Variants in CREB5 observed in about 807,000 individuals in gnomAD.
CREB5 encodes the protein cAMP responsive element binding protein 5, also known as cyclic AMP-responsive element-binding protein 5.
A neutral mutation model predicts 57.1 loss-of-function variants in CREB5; 19 were observed. The ratio of observed to expected loss-of-function variants is 0.33; its 90% CI spans 0.23 to 0.49. The LOEUF is 0.49. Ranked by LOEUF, CREB5 falls within the 20% of genes least tolerant of loss-of-function variation. The probability of loss-of-function intolerance (pLI) is 0.99; values close to 1 mark genes in which losing one functional copy is unlikely to be tolerated. For missense variants in CREB5, 579 were observed against 671.6 expected (o/e 0.86, Z 1.52); for synonymous variants, 238 against 238.3 (o/e 1.00, Z 0.01).
At chr7:28,720,285 T>G (rs1802954075) in intron 6 of CREB5, among the ~76,000 whole-genome samples, 1 of 152,236 alleles carries the variant, frequency 6.6e-6, no homozygotes, top group African/African-American at 2.4e-5. Flanking sequence ...TAACAATGCC[T>G]TGCAAAGCCT....
intron 1 of CREB5, among the ~76,000 whole-genome samples, chr7:28,328,018 G>A (rs1353325857): frequency 6.6e-6 from 1 of 152,184 alleles, no homozygotes; most frequent in African/African-American, 2.4e-5. Context: ...ATCTTCTGGT[G>A]TAGATTGAGA....
At chr7:28,396,709 A>C (rs1408225868) in intron 1 of CREB5, among the ~76,000 whole-genome samples, 2 of 152,180 alleles carry the variant, frequency 1.3e-5, no homozygotes, top group African/African-American at 4.8e-5. Flanking sequence ...AATTTTTAAA[A>C]TTTTAAAACA....
chr7:28,682,026 A>G (rs1024657748), intron 5 of CREB5, among the ~76,000 whole-genome samples: 5 of 152,206 alleles, frequency 3.3e-5, no homozygotes, highest in African/African-American at 9.7e-5. Flanking sequence ...ACCATTATAA[A>G]TTCATTCCTT....
At chr7:28,498,335 CTCA>C (rs1052495024) in intron 3 of CREB5, among the ~76,000 whole-genome samples, 1 of 152,132 alleles carries the variant, frequency 6.6e-6, no homozygotes, top group Non-Finnish European at 1.5e-5. Flanking sequence ...TGAGTTGAGG[CTCA>C]TCATATTTTA....
chr7:28,786,412 G>A (rs941832595), intron 7 of CREB5, among the ~76,000 whole-genome samples: 2 of 152,016 alleles, frequency 1.3e-5, no homozygotes, highest in Non-Finnish European at 2.9e-5. Flanking sequence ...ACACCTGGCT[G>A]ATTTTTTGGT....
chr7:28,653,938 C>A (rs1290417150), intron 5 of CREB5, among the ~76,000 whole-genome samples: 2 of 152,178 alleles, frequency 1.3e-5, no homozygotes, highest in African/African-American at 2.4e-5. Context: ...GTTTGAATTT[C>A]TTTTGGATCC....
intron 4 of CREB5, among the ~76,000 whole-genome samples, chr7:28,522,175 G>A (rs1793233253): frequency 1.3e-5 from 2 of 152,280 alleles, no homozygotes; most frequent in Non-Finnish European, 1.5e-5. Context: ...AAGCTAGTAA[G>A]TTGCAGATTG....
intron 1 of CREB5, among the ~76,000 whole-genome samples, chr7:28,372,935 G>C (rs1786737314): frequency 6.6e-6 from 1 of 152,218 alleles, no homozygotes; most frequent in African/African-American, 2.4e-5. Context: ...TTGTCATGCT[G>C]CATTAGCAGT....
intron 7 of CREB5, among the ~76,000 whole-genome samples, chr7:28,786,641 T>TTG (rs1175933355): frequency 6.6e-6 from 1 of 152,156 alleles, no homozygotes; most frequent in Admixed American, 6.5e-5. Context: ...GGGAGGCAAG[T>TTG]CCTCCTCCCG....
intron 5 of CREB5, among the ~76,000 whole-genome samples, chr7:28,631,626 G>A (rs191380086): frequency 2.8e-4 from 42 of 152,208 alleles, no homozygotes; most frequent in Middle Eastern, 3.4e-3. Context: ...CAGTGGCAGC[G>A]TGATCTCGGC....
At chr7:28,574,806 A>C (rs143184592) in intron 5 of CREB5, among the ~76,000 whole-genome samples, 25 of 152,352 alleles carry the variant, frequency 1.6e-4, no homozygotes, top group Middle Eastern at 3.4e-3. Context: ...TGTTCAACAG[A>C]ATGCATATAT....
At chr7:28,474,622 C>A (rs1790982757) in intron 1 of CREB5, among the ~76,000 whole-genome samples, 1 of 152,152 alleles carries the variant, frequency 6.6e-6, no homozygotes, top group Non-Finnish European at 1.5e-5. Context: ...CATACTACTA[C>A]TTAGAACTGC....
At chr7:28,316,630 G>A (rs1263065941) in intron 1 of CREB5, among the ~76,000 whole-genome samples, 1 of 152,064 alleles carries the variant, frequency 6.6e-6, no homozygotes, top group Non-Finnish European at 1.5e-5. Flanking sequence ...GGCCCAGGAA[G>A]TCCCCAGTGT....
intron 7 of CREB5, among the ~76,000 whole-genome samples, chr7:28,786,672 T>C (rs746452685): frequency 1.3e-5 from 2 of 152,140 alleles, no homozygotes; most frequent in Non-Finnish European, 2.9e-5. Context: ...ACTAAGAAAA[T>C]GTTGAGTCTG....
chr7:28,354,259 T>C lies in CREB5; in HGVS notation c.-25+54818T>C, dbSNP rs1297041742. 3.9e-5 allele frequency among the ~76,000 whole-genome samples: 6 copies of C among 152,142 alleles called. No homozygotes were observed. The East Asian group carries it at 1.2e-3, about 29-fold the overall frequency. On this transcript the variant is annotated intron_variant, in intron 1 of 9. Transcript: ENST00000396299. ...AGGGTGTTGCCAAAGGAGATTAACA[T>C]TGAGTCAGTGGGCTGGGAAAGGCAG...
chr7:28,352,756 T>C (rs984049706), intron 1 of CREB5, among the ~76,000 whole-genome samples: 20 of 152,192 alleles, frequency 1.3e-4, no homozygotes, highest in Admixed American at 2.0e-4. Context: ...GGAATAGATG[T>C]AGAGTAGGAA....
intron 5 of CREB5, among the ~76,000 whole-genome samples, chr7:28,576,508 AC>A (rs1171190063): frequency 6.6e-6 from 1 of 152,184 alleles, no homozygotes; most frequent in Non-Finnish European, 1.5e-5. Flanking sequence ...GCCGTGGAAG[AC>A]CCATGACTGT....
intron 4 of CREB5, among the ~76,000 whole-genome samples, chr7:28,568,992 C>T (rs1364428458): frequency 1.3e-5 from 2 of 152,084 alleles, no homozygotes; most frequent in Non-Finnish European, 2.9e-5. Flanking sequence ...TTGCTAGTGG[C>T]ACTCCATTTT....
At chr7:28,341,447 T>G (rs1488013604) in intron 1 of CREB5, among the ~76,000 whole-genome samples, 1 of 152,328 alleles carries the variant, frequency 6.6e-6, no homozygotes, top group Non-Finnish European at 1.5e-5. Context: ...ATTGTAGTGT[T>G]GACTAGTGCA....
Sources: allele counts gnomAD v4.1 joint callset (sites outside exome capture counted in the v4.1 genomes callset), GRCh38; gene constraint gnomAD v4.1.1; transcripts MANE v1.5; gene names NCBI Gene and HGNC (gene_info 2026-07-23, HGNC 2026-07-21).